GFRA4: variants seen among roughly 807,000 people sequenced by gnomAD.
GFRA4 encodes the protein GDNF family receptor alpha-4.
Under a neutral mutation model 28.5 loss-of-function variants are expected in GFRA4, and 31 were observed. That is an observed-to-expected ratio of 1.09 (90% CI 0.82 to 1.47). The LOEUF is 1.47. Among genes scored for constraint, GFRA4 ranks in the 40% most tolerant of loss-of-function variants. GFRA4 has a pLI of 0.00. For missense variants in GFRA4, 389 were observed against 413.2 expected (o/e 0.94, Z 0.51); for synonymous variants, 188 against 188.0 (o/e 1.00, Z 0.00).
rs1326219059 is a variant in GFRA4 at position 3,660,161 on chromosome 20, C to G, written c.726G>C (p.Leu242=). ...ACCCTCCCCTCCCTGCACCTACCTG[C>G]AGGAGGCTGTGCTCCGGGTCTCCCT... ...NPQGDPEHSL[L]QVSSTGRALE... is the part of the protein sequence containing the mutation. The change falls in exon 5 of 6, where the codon CTG becomes CTC. Residue 242 remains leucine (L), a synonymous_variant. Coordinates refer to ENST00000290417, the MANE Select transcript of GFRA4 (RefSeq NM_022139.4). The G allele has an allele frequency of 6.3e-7, 1 of 1,588,836 alleles. No individual in the cohort carries two copies. The highest frequency in any genetic ancestry group is 1.1e-5 in the South Asian group (1 of 87,352).
At position 3,661,074 on chromosome 20, in the gene GFRA4, A is replaced by G; in HGVS notation, c.262T>C (p.Cys88Arg). ...ALTHALLFCP[C>R]AGPACAERRR... ...CGCTCGGCGCACGCGGGGCCCGCGC[A>G]CGGGCAGAAGAGCAGTGCGTGGGTG... The change falls in exon 2 of 6, where the codon TGC becomes CGC. Residue 88 changes from cysteine (C) to arginine (R), a missense_variant. Physicochemically the swap from Cys to Arg is radical, Grantham distance 180 (BLOSUM62 -3). Transcript: ENST00000290417. 1 of 1,441,576 alleles carries G rather than the reference A, an allele frequency of 6.9e-7. No individual in the cohort carries two copies. The highest frequency in any genetic ancestry group is 9.1e-7 in the Non-Finnish European group (1 of 1,104,656). The allele number at this position is 1,441,576 out of a possible 1,614,324, so 89.3% of individuals were successfully genotyped here.
chr20:3,660,555 C>T lies in GFRA4; in HGVS notation c.608G>A (p.Arg203Gln). Reference protein sequence around the residue: ...GNRREDCEAFRGLFTRNRCLD... With the variant: ...GNRREDCEAFQGLFTRNRCLD... ...GCAGCGGTTCCTGGTAAAGAGCCCC[C>T]GGAAGGCTTCGCAGTCCTCACGCCG... Residue 203 changes from arginine (R) to glutamine (Q), a missense_variant, in exon 4 of 6, where the codon CGG (arginine) becomes CAG (glutamine). Coordinates refer to ENST00000290417, the MANE Select transcript of GFRA4 (RefSeq NM_022139.4). 1 of 1,550,718 alleles carries T rather than the reference C, an allele frequency of 6.4e-7. No homozygotes were observed. The highest frequency in any genetic ancestry group is 8.7e-7 in the Non-Finnish European group (1 of 1,147,258).
chr20:3,660,712 C>T (rs1217663777), intron 3 of GFRA4, 43 bp downstream of exon 3: 5 of 1,485,462 alleles, frequency 3.4e-6, no homozygotes, highest in South Asian at 1.3e-5. Flanking sequence ...GGAGATATCC[C>T]CTGGAGAACC....
rs371337814 is a variant in GFRA4 at position 3,660,156 on chromosome 20, A to G, written c.729+2T>C. ...AGCTCACCCTCCCCTCCCTGCACCT[A>G]CCTGCAGGAGGCTGTGCTCCGGGTC... On this transcript the variant is annotated splice_donor_variant, in intron 5 of 5. Coordinates refer to ENST00000290417, the MANE Select transcript of GFRA4 (RefSeq NM_022139.4). LOFTEE classifies it high-confidence loss of function. 3.2e-6 allele frequency: 5 copies of G among 1,585,478 alleles called. No homozygotes were observed. In the African/African-American group the frequency reaches 6.7e-5, roughly 21 times the overall value.
chr20:3,660,262 G>T lies in GFRA4; in HGVS notation c.638-13C>A, dbSNP rs2087203032. ...TGAATGGCACCATCTATGGAGGGAG[G>T]GGTCCAGGGTGGACTTAGCTGGGAA... On this transcript the variant is annotated splice_polypyrimidine_tract_variant and intron_variant, in intron 4 of 5. Coordinates refer to ENST00000290417, the MANE Select transcript of GFRA4 (RefSeq NM_022139.4). 6.3e-7 allele frequency: 1 copy of T among 1,593,904 alleles called. No homozygotes were observed. Among genetic ancestry groups the T allele is most frequent in the South Asian group, 1.1e-5 (1 of 87,948 alleles).
At chr20:3,663,215 C>T (rs2087241296) in intron 1 of GFRA4, 139 bp downstream of exon 1, 4 of 1,005,702 alleles carry the variant, frequency 4.0e-6, no homozygotes, top group Non-Finnish European at 5.9e-6. Context: ...GGTCCCCAAG[C>T]CGTGCGCACA....
rs2087243469 is a variant in GFRA4 at position 3,663,386 on chromosome 20, AGGCAGC to A, written c.8_13del (p.Arg3_Cys4del). On this transcript the variant is annotated inframe_deletion, in exon 1 of 6. Transcript: ENST00000290417. ...CAGCAGCAGCAGCAGCGCAGGCCCC[AGGCAGC>A]GGACCATGCTGGACCTTCAACAGAG... 6.2e-7 allele frequency: 1 copy of A among 1,610,744 alleles called. No homozygotes were observed. Among genetic ancestry groups the A allele is most frequent in the African/African-American group, 1.3e-5 (1 of 74,898 alleles).
At chr20:3,661,484 G>A (rs1162138919) in intron 1 of GFRA4, among the ~76,000 whole-genome samples, 195 bp from the exon 2 acceptor site, 1 of 152,224 alleles carries the variant, frequency 6.6e-6, no homozygotes, top group East Asian at 1.9e-4. Context: ...GGAGGGCTCT[G>A]CAACACGTCA....
rs78068372 is a variant in GFRA4 at position 3,659,994 on chromosome 20, G to A, written c.730-5C>T. The A allele has an allele frequency of 1.1e-4, 169 of 1,568,280 alleles. 1 individual carries two copies. The East Asian group carries it at 3.7e-3, about 35-fold the overall frequency. On this transcript the variant is annotated splice_region_variant and splice_polypyrimidine_tract_variant and intron_variant, in intron 5 of 5. Transcript: ENST00000290417. ...GGCCCTGCCTGTGGAGGACACCTTG[G>A]GGGTGGGAGCCAAGTGCAGACTTGA...
rs567257400 is a variant in GFRA4, at chr20:3,659,560, C to G, written c.*349G>C. Reference sequence around the variant, plus strand: ...GGGATTCTGGATGGTCTCTGACCTGCTCTAGGGGATCTGGGTCTCCAGAGA... The same window carrying G: ...GGGATTCTGGATGGTCTCTGACCTGGTCTAGGGGATCTGGGTCTCCAGAGA... On this transcript the variant is annotated 3_prime_UTR_variant, in exon 6 of 6. Coordinates refer to ENST00000290417, the MANE Select transcript of GFRA4 (RefSeq NM_022139.4). 1 of 359,408 alleles carries G rather than the reference C, an allele frequency of 2.8e-6. No individual in the cohort carries two copies. Among genetic ancestry groups the G allele is most frequent in the African/African-American group, 2.2e-5 (1 of 46,348 alleles). 22.3% of individuals were successfully genotyped at this position (359,408 alleles called of 1,614,324 possible).
rs1207372432 is a variant in GFRA4 at position 3,659,924 on chromosome 20, G to T, written c.795C>A (p.Leu265=). The T allele has an allele frequency of 6.3e-7, 1 of 1,597,002 alleles. No homozygotes were observed. The highest frequency in any genetic ancestry group is 1.1e-5 in the South Asian group (1 of 87,444). ...SLLSILPVLA[L]PALL ...GCTGTCCTAATCAGAGCAGGGCCGG[G>T]AGAGCCAGGACAGGAAGTATGGAGA... Residue 265 remains leucine (L), a synonymous_variant, in exon 6 of 6, where the codon CTC becomes CTA. Coordinates refer to ENST00000290417, the MANE Select transcript of GFRA4 (RefSeq NM_022139.4).
In GFRA4 at chr20:3,661,178, C is replaced by T. The variant is rs1349618123; in HGVS notation, c.158G>A (p.Arg53Gln). 4.1e-6 allele frequency: 6 copies of T among 1,449,068 alleles called. No individual in the cohort carries two copies. In the Admixed American group the frequency reaches 1.1e-4, roughly 26 times the overall value. 89.8% of individuals were successfully genotyped at this position (1,449,068 alleles called of 1,614,324 possible). A position where few individuals can be genotyped will look rare whatever the true frequency, so the allele number is the denominator to read the frequency against. ...GCGGGGACAGCCCCCCTGCGCAGCC[C>T]GGCCCAGGCACTGCGCCACATACTC... ...RSEYVAQCLG[R>Q]AAQGGCPRAR... Residue 53 changes from arginine (R) to glutamine (Q), a missense_variant, in exon 2 of 6, where the codon CGG (arginine) becomes CAG (glutamine). Coordinates refer to ENST00000290417, the MANE Select transcript of GFRA4 (RefSeq NM_022139.4).
intron 1 of GFRA4, among the ~76,000 whole-genome samples, chr20:3,662,473 G>C (rs574327762): frequency 1.7e-5 from 1 of 59,608 alleles, no homozygotes; most frequent in African/African-American, 8.5e-5. Flanking sequence ...CAGGGGCTAC[G>C]GGGTGGTATC....
At position 3,659,918 on chromosome 20, in the gene GFRA4, G is replaced by A. The variant is rs1280426615; in HGVS notation, c.801C>T (p.Ala267=). The A allele has an allele frequency of 6.3e-7, 1 of 1,595,556 alleles. No individual in the cohort carries two copies. The highest frequency in any genetic ancestry group is 2.3e-5 in the East Asian group (1 of 44,180). ...GAGGTCGCTGTCCTAATCAGAGCAG[G>A]GCCGGGAGAGCCAGGACAGGAAGTA... ...LSILPVLALP[A]LL The change falls in exon 6 of 6, where the codon GCC becomes GCT. Residue 267 remains alanine, a synonymous_variant. Coordinates refer to ENST00000290417, the MANE Select transcript of GFRA4 (RefSeq NM_022139.4).
At chr20:3,661,373 G>C (rs1485658702) in intron 1 of GFRA4, 84 bp from the exon 2 acceptor site, 17 of 1,331,954 alleles carry the variant, frequency 1.3e-5, no homozygotes, top group Non-Finnish European at 1.6e-5. Context: ...CTGGAAGGTG[G>C]GGGACACTGA....
chr20:3,660,522 T>G lies in GFRA4; in HGVS notation c.637+4A>C. The G allele has an allele frequency of 1.1e-5, 7 of 664,192 alleles. No individual in the cohort carries two copies. The highest frequency in any genetic ancestry group is 1.5e-5 in the Non-Finnish European group (7 of 477,372). 41.1% of individuals were successfully genotyped at this position (664,192 alleles called of 1,614,324 possible). ...CCCCCTCCACTCCCCCCCGGGCCCC[T>G]CACCCAAGCAGCGGTTCCTGGTAAA... On this transcript the variant is annotated splice_donor_region_variant and intron_variant, in intron 4 of 5. Coordinates refer to ENST00000290417, the MANE Select transcript of GFRA4 (RefSeq NM_022139.4).
chr20:3,659,551 T>G lies in GFRA4; in HGVS notation c.*358A>C, dbSNP rs2087193828. The G allele has an allele frequency of 3.2e-6, 1 of 313,524 alleles. No homozygotes were observed. The highest frequency in any genetic ancestry group is 3.8e-5 in the South Asian group (1 of 26,214). The allele number at this position is 313,524 out of a possible 1,614,324, so 19.4% of individuals were successfully genotyped here. ...TAGAATTCTGGGATTCTGGATGGTC[T>G]CTGACCTGCTCTAGGGGATCTGGGT... On this transcript the variant is annotated 3_prime_UTR_variant, in exon 6 of 6. Coordinates refer to ENST00000290417, the MANE Select transcript of GFRA4 (RefSeq NM_022139.4).
Position 3,660,661 on chromosome 20 carries a change from C to T in GFRA4, c.503-1G>A. 1 of 1,547,530 alleles carries T rather than the reference C, an allele frequency of 6.5e-7. No individual in the cohort carries two copies. The highest frequency in any genetic ancestry group is 8.7e-7 in the Non-Finnish European group (1 of 1,145,986). On this transcript the variant is annotated splice_acceptor_variant, in intron 3 of 5. Transcript: ENST00000290417. LOFTEE classifies it high-confidence loss of function. ...ACGTAGTTAGGGGTGACGGCGGTGC[C>T]TGCGGGGACCCTGAGGGCGAAGTCA... is the stretch of plus-strand genomic sequence containing the variant.
In GFRA4 at chr20:3,660,636, A is replaced by T; in HGVS notation, c.527T>A (p.Val176Glu). Residue 176 changes from valine to glutamate, a missense_variant, in exon 4 of 6, where the codon GTG becomes GAG. Val to Glu is a moderately radical substitution (Grantham distance 121). Coordinates refer to ENST00000290417, the MANE Select transcript of GFRA4 (RefSeq NM_022139.4). ...LVGTAVTPNY[V>E]DNVSARVAPW... is the part of the protein sequence containing the mutation. ...CGCCACGCGCGCGCTCACGTTGTCC[A>T]CGTAGTTAGGGGTGACGGCGGTGCC... 2 of 1,551,706 alleles carry T rather than the reference A, an allele frequency of 1.3e-6. No homozygotes were observed. The highest frequency in any genetic ancestry group is 1.7e-6 in the Non-Finnish European group (2 of 1,147,880).
Sources: gnomAD v4.1 joint callset for allele counts (sites outside exome capture counted in the v4.1 genomes callset) on GRCh38, gnomAD v4.1.1 for gene constraint, MANE v1.5 for transcripts, NCBI Gene and HGNC (gene_info 2026-07-23, HGNC 2026-07-21) for gene names.